FERRY3: variants seen among roughly 807,000 people sequenced by gnomAD.
FERRY3 encodes protein C12orf4.
the FERRY3 span, chr12:4,525,488 T>C: frequency 1.2e-6 from 2 of 1,611,262 alleles, no homozygotes; most frequent in South Asian, 2.2e-5. Flanking sequence ...ACTTACTTGC[T>C]GGGATTCAAA....
chr12:4,514,477 G>A, the FERRY3 span, among the ~76,000 whole-genome samples: 21 of 152,030 alleles, frequency 1.4e-4, no homozygotes, highest in South Asian at 6.2e-4. Flanking sequence ...TTCACAATAC[G>A]AAGACTTGGA....
At chr12:4,517,960 T>C in the FERRY3 span, 2 of 1,074,384 alleles carry the variant, frequency 1.9e-6, no homozygotes, top group Non-Finnish European at 1.3e-6. Flanking sequence ...GTCAAGGTGA[T>C]TAAAATTTTT....
chr12:4,503,432 AAACTGT>A, the FERRY3 span, among the ~76,000 whole-genome samples: 1 of 152,228 alleles, frequency 6.6e-6, no homozygotes, highest in East Asian at 1.9e-4. Flanking sequence ...TAGATGACAT[AAACTGT>A]AAATACTTAG....
At chr12:4,513,232 A>T in the FERRY3 span, among the ~76,000 whole-genome samples, 1 of 125,974 alleles carries the variant, frequency 7.9e-6, no homozygotes, top group African/African-American at 3.2e-5. Flanking sequence ...CTGCTCAAGG[A>T]AATAAAAGAG....
chr12:4,512,477 T>G, the FERRY3 span, among the ~76,000 whole-genome samples: 1 of 152,262 alleles, frequency 6.6e-6, no homozygotes, highest in East Asian at 1.9e-4. Context: ...TGAACATTGA[T>G]GCAAAAATCC....
At chr12:4,525,722 C>A in the FERRY3 span, 2 of 608,262 alleles carry the variant, frequency 3.3e-6, no homozygotes, top group Non-Finnish European at 5.5e-6. Context: ...AGAATTGTAA[C>A]TGGAAAGTAC....
the FERRY3 span, among the ~76,000 whole-genome samples, chr12:4,516,180 A>G: frequency 6.6e-6 from 1 of 152,174 alleles, no homozygotes; most frequent in African/African-American, 2.4e-5. Flanking sequence ...CCTCTGTAGT[A>G]ATAATTACGT....
At chr12:4,538,258 C>G in the FERRY3 span, among the ~76,000 whole-genome samples, 1 of 152,244 alleles carries the variant, frequency 6.6e-6, no homozygotes, top group African/African-American at 2.4e-5. Flanking sequence ...CGAACACACA[C>G]AGCCAACAGA....
chr12:4,516,909 TTC>T, the FERRY3 span: 17 of 749,018 alleles, frequency 2.3e-5, no homozygotes, highest in Non-Finnish European at 2.8e-5. Flanking sequence ...CATTTTGATG[TTC>T]TTTCTAAATA....
the FERRY3 span, among the ~76,000 whole-genome samples, chr12:4,528,896 T>TACCCACACACACAC: frequency 2.3e-5 from 3 of 131,564 alleles, no homozygotes; most frequent in African/African-American, 1.0e-4. Context: ...TTAAATCAGT[T>TACCCACACACACAC]ACACACACAC....
the FERRY3 span, chr12:4,505,166 T>C: frequency 3.9e-5 from 25 of 642,670 alleles, no homozygotes; most frequent in African/African-American, 3.7e-4. Flanking sequence ...GTGTATTATA[T>C]AGGTACAAAG....
chr12:4,537,790 CTACA>C, the FERRY3 span, among the ~76,000 whole-genome samples: 17 of 152,050 alleles, frequency 1.1e-4, no homozygotes, highest in Admixed American at 1.1e-3. Flanking sequence ...ACTACCAAAA[CTACA>C]TAAAGGTATA....
chr12:4,519,236 C>A, the FERRY3 span, among the ~76,000 whole-genome samples: 1 of 152,132 alleles, frequency 6.6e-6, no homozygotes, highest in African/African-American at 2.4e-5. The surrounding 1 kb of genome is among the most constrained non-coding windows in gnomAD (Gnocchi z 4.3). Flanking sequence ...ACATCCTATA[C>A]CAGGGCTAGC....
chr12:4,530,771 A>C, the FERRY3 span, among the ~76,000 whole-genome samples: 2 of 152,166 alleles, frequency 1.3e-5, no homozygotes, highest in African/African-American at 4.8e-5. Flanking sequence ...AACAGGGAGA[A>C]ACAAAATGGG....
At chr12:4,510,527 T>G in the FERRY3 span, among the ~76,000 whole-genome samples, 2 of 146,094 alleles carry the variant, frequency 1.4e-5, no homozygotes. Flanking sequence ...GGGAAGCCCA[T>G]CAGACTAACA....
At chr12:4,521,609 C>T in the FERRY3 span, among the ~76,000 whole-genome samples, 13 of 152,104 alleles carry the variant, frequency 8.5e-5, no homozygotes, top group African/African-American at 3.1e-4. Context: ...GAAATCAAAA[C>T]ATCGTATCAG....
the FERRY3 span, among the ~76,000 whole-genome samples, chr12:4,492,744 C>T: frequency 6.6e-6 from 1 of 152,202 alleles, no homozygotes; most frequent in African/African-American, 2.4e-5. Flanking sequence ...TGTTTCCCCT[C>T]TAAACCACTA....
At chr12:4,525,270 T>C in the FERRY3 span, 9 of 1,613,488 alleles carry the variant, frequency 5.6e-6, no homozygotes, top group Admixed American at 1.2e-4. Flanking sequence ...GAGCTGTTGT[T>C]GGGGTTTTTT....
the FERRY3 span, among the ~76,000 whole-genome samples, chr12:4,507,372 AT>A: frequency 1.3e-5 from 2 of 152,086 alleles, no homozygotes; most frequent in Non-Finnish European, 2.9e-5. Context: ...TTCTATAGGG[AT>A]TTTCTAATAC....
Sources: allele counts gnomAD v4.1 joint callset (sites outside exome capture counted in the v4.1 genomes callset), GRCh38; gene constraint gnomAD v4.1.1; non-coding constraint Gnocchi (gnomAD v3.1); transcripts MANE v1.5; gene names NCBI Gene and HGNC (gene_info 2026-07-23, HGNC 2026-07-21).